PRSS35: variants seen among roughly 807,000 people sequenced by gnomAD.
The protein encoded by PRSS35 is inactive serine protease 35.
Under a neutral mutation model 8.1 loss-of-function variants are expected in PRSS35, and 7 were observed. That is an observed-to-expected ratio of 0.86 (90% CI 0.49 to 1.62). The LOEUF (loss-of-function observed/expected upper bound fraction) is 1.62, where lower values mean the gene tolerates loss of function less well. PRSS35 is among the 40% of genes most tolerant of loss of function. The probability of loss-of-function intolerance (pLI) is 0.00; values close to 1 mark genes in which losing one functional copy is unlikely to be tolerated. For synonymous variants in PRSS35, 199 were observed against 188.7 expected (o/e 1.05, Z -0.45); for missense variants, 566 against 518.0 (o/e 1.09, Z -0.90).
At chr6:83,516,771 G>C (rs887215526) in intron 1 of PRSS35, among the ~76,000 whole-genome samples, 4 of 151,948 alleles carry the variant, frequency 2.6e-5, no homozygotes, top group African/African-American at 9.7e-5. Context: ...TCATGATCCT[G>C]CATTGCTCTG....
At chr6:83,520,491 C>G (rs1583459060) in intron 1 of PRSS35, among the ~76,000 whole-genome samples, 1 of 152,028 alleles carries the variant, frequency 6.6e-6, no homozygotes, top group African/African-American at 2.4e-5. Flanking sequence ...CCTTTGAGAA[C>G]CCCTGGTCTG....
At chr6:83,521,505 C>T (rs1771820894) in intron 1 of PRSS35, among the ~76,000 whole-genome samples, 4 of 137,394 alleles carry the variant, frequency 2.9e-5, no homozygotes, top group Non-Finnish European at 4.7e-5. Context: ...TCCCTTCCCT[C>T]ACCTCCCCCC....
Position 83,522,784 on chromosome 6 carries a change from A to G in PRSS35, c.-20-638A>G, listed in dbSNP as rs73482890. On this transcript the variant is annotated intron_variant, in intron 1 of 1. Transcript: ENST00000369700. ...TCTATACAAATCAAAACAGATCAAT[A>G]GAAGATTAATTAGCAATTTATTTAT... 4.3e-3 allele frequency among the ~76,000 whole-genome samples: 661 copies of G among 152,358 alleles called. 1 individual carries two copies. Among genetic ancestry groups the G allele is most frequent in the African/African-American group, 0.015 (614 of 41,572 alleles).
chr6:83,515,976 G>A (rs1184127466), intron 1 of PRSS35, among the ~76,000 whole-genome samples: 2 of 151,888 alleles, frequency 1.3e-5, no homozygotes, highest in Non-Finnish European at 2.9e-5. Flanking sequence ...CAGCATGCCT[G>A]GCTAATTTTT....
Position 83,525,619 on chromosome 6 carries a change from G to A in PRSS35, c.*936G>A, listed in dbSNP as rs1241746333. The A allele has an allele frequency of 6.0e-6, 1 of 167,052 alleles. No homozygotes were observed. Among genetic ancestry groups the A allele is most frequent in the Non-Finnish European group, 1.5e-5 (1 of 68,122 alleles). 10.3% of individuals were successfully genotyped at this position (167,052 alleles called of 1,614,324 possible). A position where few individuals can be genotyped will look rare whatever the true frequency, so the allele number is the denominator to read the frequency against. ...CCTTGACAAAATCCAGCTTTTGTAT[G>A]AGGACTATAGGGTGAATTCTCTGAT... On this transcript the variant is annotated 3_prime_UTR_variant, in exon 2 of 2. Coordinates refer to ENST00000369700, the MANE Select transcript of PRSS35 (RefSeq NM_153362.3).
intron 1 of PRSS35, among the ~76,000 whole-genome samples, chr6:83,520,734 T>A (rs1771806403): frequency 6.6e-6 from 1 of 152,208 alleles, no homozygotes; most frequent in Non-Finnish European, 1.5e-5. Context: ...ACCAGTGTCA[T>A]CTACATAGCC....
At chr6:83,523,313 G>A (rs1475092546) in intron 1 of PRSS35, 109 bp from the exon 2 acceptor site, 5 of 791,566 alleles carry the variant, frequency 6.3e-6, no homozygotes. Context: ...TGAAAATAAG[G>A]ACACCTCTTT....
rs1025650042 is a variant in PRSS35 at position 83,523,424 on chromosome 6, C to T, written c.-18C>T. ...CTCTCTCTTTTTCTATTTTTAAGGA[C>T]AAAATTAGAAGATCAAAATGGAAAA... is the stretch of plus-strand genomic sequence containing the variant. On this transcript the variant is annotated splice_region_variant and 5_prime_UTR_variant, in exon 2 of 2. Transcript: ENST00000369700. The T allele has an allele frequency of 1.9e-6, 3 of 1,590,556 alleles. No individual in the cohort carries two copies. Among genetic ancestry groups the T allele is most frequent in the East Asian group, 4.5e-5 (2 of 44,702 alleles).
chr6:83,514,041 G>A (rs9449648), intron 1 of PRSS35, among the ~76,000 whole-genome samples: 24,016 of 152,126 alleles, frequency 0.16, 2,031 homozygotes, highest in East Asian at 0.24. Flanking sequence ...AAACAGTAAA[G>A]TTAAGTTAGT....
chr6:83,519,647 T>C (rs680668), intron 1 of PRSS35, among the ~76,000 whole-genome samples: 114,140 of 152,212 alleles, frequency 0.75, 43,075 homozygotes, highest in East Asian at 0.88. Flanking sequence ...AGAAAGTGTC[T>C]TTAAACATTT....
intron 1 of PRSS35, among the ~76,000 whole-genome samples, chr6:83,518,046 T>C (rs932508748): frequency 1.3e-5 from 2 of 152,198 alleles, no homozygotes; most frequent in African/African-American, 4.8e-5. Context: ...TGTGAATCTG[T>C]CACCTAGTGA....
chr6:83,518,382 T>C (rs1771760740), intron 1 of PRSS35, among the ~76,000 whole-genome samples: 1 of 152,192 alleles, frequency 6.6e-6, no homozygotes, highest in Non-Finnish European at 1.5e-5. Context: ...CTTTTTAGGC[T>C]GAGGGTCTGA....
chr6:83,523,457 C>T lies in PRSS35; in HGVS notation c.16C>T (p.Leu6Phe). The change falls in exon 2 of 2, where the codon CTT becomes TTT. Residue 6 changes from leucine (L) to phenylalanine (F), a missense_variant. By Grantham distance (22) the Leu-to-Phe change is conservative. Transcript: ENST00000369700. ...GAAGATCAAAATGGAAAATATGCTG[C>T]TTTGGTTGATATTTTTCACCCCTGG... The part of the protein sequence containing the change: MENML[L>F]WLIFFTPGWT... 6.2e-7 allele frequency: 1 copy of T among 1,612,782 alleles called. No homozygotes were observed. Among genetic ancestry groups the T allele is most frequent in the East Asian group, 2.2e-5 (1 of 44,866 alleles).
chr6:83,519,048 C>T (rs1353811333), intron 1 of PRSS35, among the ~76,000 whole-genome samples: 1 of 152,160 alleles, frequency 6.6e-6, no homozygotes, highest in African/African-American at 2.4e-5. Flanking sequence ...CACAAATATT[C>T]TCAACGCTGT....
chr6:83,517,424 A>T (rs1230344031), intron 1 of PRSS35, among the ~76,000 whole-genome samples: 2 of 152,238 alleles, frequency 1.3e-5, no homozygotes, highest in African/African-American at 4.8e-5. Context: ...ATTAGTTTTC[A>T]TAAGATACCC....
chr6:83,517,281 A>G (rs1771740580), intron 1 of PRSS35, among the ~76,000 whole-genome samples: 2 of 152,162 alleles, frequency 1.3e-5, no homozygotes, highest in Admixed American at 1.3e-4. Context: ...TGCCCCCATA[A>G]TCATTGAAAC....
At chr6:83,521,126 A>G (rs1771813409) in intron 1 of PRSS35, among the ~76,000 whole-genome samples, 1 of 152,194 alleles carries the variant, frequency 6.6e-6, no homozygotes, top group African/African-American at 2.4e-5. Context: ...CTGAGAATCA[A>G]GTAGATTTAA....
In PRSS35 at chr6:83,524,812, A is replaced by G; in HGVS notation, c.*129A>G. ...GTCAATAGCATTTCAACATTTTTCAAAATCAGGAGATTTTCGTCCATTTAA... is the reference window on the plus strand; with the variant it reads ...GTCAATAGCATTTCAACATTTTTCAGAATCAGGAGATTTTCGTCCATTTAA... On this transcript the variant is annotated 3_prime_UTR_variant, in exon 2 of 2. Transcript: ENST00000369700. The G allele has an allele frequency of 1.9e-6, 2 of 1,052,580 alleles. No individual in the cohort carries two copies. The highest frequency in any genetic ancestry group is 2.7e-6 in the Non-Finnish European group (2 of 749,086). 65.2% of individuals were successfully genotyped at this position (1,052,580 alleles called of 1,614,324 possible). A position where few individuals can be genotyped will look rare whatever the true frequency, so the allele number is the denominator to read the frequency against.
intron 1 of PRSS35, among the ~76,000 whole-genome samples, chr6:83,518,648 A>G (rs1356303862): frequency 6.6e-6 from 1 of 152,238 alleles, no homozygotes; most frequent in Non-Finnish European, 1.5e-5. Context: ...GTTGGAAACT[A>G]TCTTGAAATA....
Sources: gnomAD v4.1 joint callset for allele counts (sites outside exome capture counted in the v4.1 genomes callset) on GRCh38, gnomAD v4.1.1 for gene constraint, MANE v1.5 for transcripts, NCBI Gene and HGNC (gene_info 2026-07-23, HGNC 2026-07-21) for gene names.